The following NOL4L variants were observed in gnomAD, a reference collection of about 807,000 sequenced individuals.
NOL4L encodes the protein nucleolar protein 4 like, also known as nucleolar protein 4-like.
A neutral mutation model predicts 64.5 loss-of-function variants in NOL4L; 7 were observed. The observed-to-expected ratio is 0.11, with a 90% confidence interval of 0.06 to 0.20. NOL4L has a LOEUF of 0.20. Among genes scored for constraint, NOL4L ranks in the 10% least tolerant of loss-of-function variants. NOL4L has a pLI of 1.00. For synonymous variants in NOL4L, 413 were observed against 401.0 expected, an observed-to-expected ratio of 1.03 and a Z score of -0.36; for missense variants, 680 against 967.1, an observed-to-expected ratio of 0.70 and a Z score of 3.94.
At chr20:32,456,045 G>T in intron 6 of NOL4L, 73 bp downstream of exon 6, 1 of 1,415,096 alleles carries the variant, frequency 7.1e-7, no homozygotes, top group Non-Finnish European at 9.3e-7. Flanking sequence ...AGCTCTGGGC[G>T]TATACAATTT....
Position 32,494,253 on chromosome 20 carries a change from G to GAAAAAAAAA in NOL4L, c.699+17085_699+17093dup, listed in dbSNP as rs566317193. On this transcript the variant is annotated intron_variant, in intron 4 of 10. Coordinates refer to ENST00000621426, the MANE Select transcript of NOL4L (RefSeq NM_001256798.2). ...GGGCCACAGAGTGAGATAATCTCGGGAAAAAAAAAAAAAAAAAAAAAAAAA... is the reference window on the plus strand; with the variant it reads ...GGGCCACAGAGTGAGATAATCTCGGGAAAAAAAAAAAAAAAAAAAAAAAAAAAAAAAAAA... Among the ~76,000 whole-genome samples, 4 of 22,064 alleles carry GAAAAAAAAA rather than the reference G, an allele frequency of 1.8e-4. 1 individual carries two copies. The highest frequency in any genetic ancestry group is 7.9e-4 in the Admixed American group (1 of 1,268). 14.5% of individuals were successfully genotyped at this position (22,064 alleles called of 152,430 possible).
chr20:32,494,748 G>T (rs889830198), intron 4 of NOL4L, among the ~76,000 whole-genome samples: 4 of 152,212 alleles, frequency 2.6e-5, no homozygotes, highest in Non-Finnish European at 5.9e-5. Flanking sequence ...TGTGGACAAG[G>T]TTGGAGCAAT....
intron 1 of NOL4L, among the ~76,000 whole-genome samples, chr20:32,528,642 T>C (rs1214361572): frequency 6.6e-6 from 1 of 152,176 alleles, no homozygotes; most frequent in African/African-American, 2.4e-5. Flanking sequence ...CAAACAGCTG[T>C]GGGGCTGACG....
intron 4 of NOL4L, among the ~76,000 whole-genome samples, chr20:32,481,581 G>A (rs1025927228): frequency 5.9e-5 from 9 of 152,218 alleles, no homozygotes; most frequent in Non-Finnish European, 1.0e-4. Context: ...AGTGAGCTCT[G>A]TTCCCACTGT....
intron 4 of NOL4L, among the ~76,000 whole-genome samples, chr20:32,488,822 TTTCTTTTTCTTTCTTTCTTTCTTTC>T (rs2016287775): frequency 1.1e-4 from 2 of 17,824 alleles, no homozygotes; most frequent in Admixed American, 7.5e-4. Context: ...TCTTTCTTTC[TTTCTTTTTCTTTCTTTCTTTCTTTC>T]TTTCTTTCTT....
chr20:32,531,775 G>A (rs1025160969), intron 1 of NOL4L, among the ~76,000 whole-genome samples: 2 of 152,188 alleles, frequency 1.3e-5, no homozygotes, highest in Non-Finnish European at 2.9e-5. Context: ...CTTGGTTAAT[G>A]TTCATCTCTT....
At chr20:32,575,681 G>A (rs1980051236) in intron 1 of NOL4L, among the ~76,000 whole-genome samples, 1 of 152,226 alleles carries the variant, frequency 6.6e-6, no homozygotes, top group African/African-American at 2.4e-5. Flanking sequence ...CACAGACGCA[G>A]TCCGCCCTGC....
rs997751787 is a variant in NOL4L, at chr20:32,464,480, C to A, written c.842-8085G>T. Among the ~76,000 whole-genome samples the A allele has an allele frequency of 6.6e-6, 1 of 152,366 alleles. No individual in the cohort carries two copies. The highest frequency in any genetic ancestry group is 1.9e-4 in the East Asian group (1 of 5,186). Reference sequence around the variant, plus strand: ...TGGTTCACACAGCCTGGCCCGGCCCCAGCCACGGAGCAGGGAGCCCATGCC... The same window carrying A: ...TGGTTCACACAGCCTGGCCCGGCCCAAGCCACGGAGCAGGGAGCCCATGCC... On this transcript the variant is annotated intron_variant, in intron 5 of 10. Coordinates refer to ENST00000621426, the MANE Select transcript of NOL4L (RefSeq NM_001256798.2). This position sits in a 1 kb window ranked among gnomAD's most constrained non-coding sequence, Gnocchi z 5.6.
rs75521842 is a variant in NOL4L, at chr20:32,514,715, G to A, written c.590-3259C>T. On this transcript the variant is annotated intron_variant, in intron 3 of 10. Transcript: ENST00000621426. Reference sequence around the variant, plus strand: ...TAAACCCTAGCCCCATACATTGACCGGGTCGGATGCCACATGTCAGGCAGG... The same window carrying A: ...TAAACCCTAGCCCCATACATTGACCAGGTCGGATGCCACATGTCAGGCAGG... Among the ~76,000 whole-genome samples the A allele has an allele frequency of 3.7e-3, 563 of 152,166 alleles. 1 individual carries two copies. The highest frequency in any genetic ancestry group is 0.014 in the Middle Eastern group (4 of 294).
At chr20:32,483,426 G>C in intron 4 of NOL4L, 1 of 987,438 alleles carries the variant, frequency 1.0e-6, no homozygotes, top group Non-Finnish European at 1.2e-6. Context: ...GGGCGGCGGT[G>C]ACAGCCCCAC....
At chr20:32,497,525 T>A (rs1014503790) in intron 4 of NOL4L, among the ~76,000 whole-genome samples, 1 of 152,122 alleles carries the variant, frequency 6.6e-6, no homozygotes, top group African/African-American at 2.4e-5. Flanking sequence ...CTGCCCAAAA[T>A]ATCCCACTAG....
chr20:32,476,041 G>C (rs924662395), intron 4 of NOL4L, among the ~76,000 whole-genome samples: 1 of 152,096 alleles, frequency 6.6e-6, no homozygotes, highest in Admixed American at 6.5e-5. Context: ...CCAGGGCCTC[G>C]GGGGATGGAC....
At chr20:32,462,202 C>T (rs904888205) in intron 5 of NOL4L, among the ~76,000 whole-genome samples, 5 of 152,142 alleles carry the variant, frequency 3.3e-5, no homozygotes, top group African/African-American at 1.2e-4. Flanking sequence ...TCCATCTGTG[C>T]CTGCCACCTA....
intron 1 of NOL4L, among the ~76,000 whole-genome samples, chr20:32,560,141 G>A (rs910514534): frequency 3.9e-5 from 6 of 152,238 alleles, no homozygotes; most frequent in Non-Finnish European, 5.9e-5. Flanking sequence ...GTGAGGCCAC[G>A]CCCTGCCAGG....
chr20:32,582,690 G>T (rs551357880), intron 1 of NOL4L, among the ~76,000 whole-genome samples: 1 of 152,030 alleles, frequency 6.6e-6, no homozygotes, highest in Non-Finnish European at 1.5e-5. Context: ...TAACCAGGAT[G>T]GGGGGGTGGG....
At chr20:32,492,171 T>C (rs770231619) in intron 4 of NOL4L, among the ~76,000 whole-genome samples, 1 of 152,146 alleles carries the variant, frequency 6.6e-6, no homozygotes, top group Non-Finnish European at 1.5e-5. Context: ...GCAGCACTAT[T>C]CACAACAGCT....
intron 4 of NOL4L, among the ~76,000 whole-genome samples, chr20:32,497,605 A>G (rs546438297): frequency 4.6e-5 from 7 of 152,200 alleles, no homozygotes; most frequent in Non-Finnish European, 1.0e-4. Flanking sequence ...GGACTTAGCC[A>G]CAAGATCACG....
At chr20:32,514,048 TG>T (rs2017534918) in intron 3 of NOL4L, among the ~76,000 whole-genome samples, 1 of 152,170 alleles carries the variant, frequency 6.6e-6, no homozygotes, top group Non-Finnish European at 1.5e-5. Context: ...GCCTAGAGGA[TG>T]GGGGTCCTCT....
At chr20:32,548,765 C>T (rs6119891) in intron 1 of NOL4L, 7,595 of 421,940 alleles carry the variant, frequency 0.018, 469 homozygotes, top group African/African-American at 0.14. Flanking sequence ...AATGGCCATC[C>T]ATATTCAGGG....
Sources: gnomAD v4.1 joint callset for allele counts (sites outside exome capture counted in the v4.1 genomes callset) on GRCh38, gnomAD v4.1.1 for gene constraint, Gnocchi (gnomAD v3.1) non-coding constraint, MANE v1.5 for transcripts, NCBI Gene and HGNC (gene_info 2026-07-23, HGNC 2026-07-21) for gene names.